The following MCM9 variants were observed in gnomAD, a reference collection of about 807,000 sequenced individuals.
MCM9 encodes the protein minichromosome maintenance 9 homologous recombination repair factor.
Under a neutral mutation model 72.8 loss-of-function variants are expected in MCM9, and 55 were observed. The ratio of observed to expected loss-of-function variants is 0.76; its 90% confidence interval spans 0.61 to 0.95. The LOEUF is 0.95. Ranked by LOEUF, MCM9 falls within the 40% of genes least tolerant of loss-of-function variation. MCM9 has a pLI of 0.00. For synonymous variants in MCM9, 480 were observed against 503.4 expected (o/e 0.95, Z 0.62); for missense variants, 1,279 against 1,377.0 (o/e 0.93, Z 1.13).
chr6:118,911,563 C>T, intron 8 of MCM9, 87 bp downstream of exon 8: 7 of 1,439,678 alleles, frequency 4.9e-6, no homozygotes, highest in Non-Finnish European at 3.7e-6. Flanking sequence ...GAAATTTATC[C>T]TATTATAGGT....
At chr6:118,926,935 CA>C (rs1348664213) in intron 3 of MCM9, among the ~76,000 whole-genome samples, 1 of 151,946 alleles carries the variant, frequency 6.6e-6, no homozygotes, top group Non-Finnish European at 1.5e-5. Flanking sequence ...ATAATTAACC[CA>C]ATTTGCTTCT....
intron 9 of MCM9, among the ~76,000 whole-genome samples, chr6:118,853,463 T>C (rs966086106): frequency 4.6e-5 from 7 of 152,066 alleles, no homozygotes; most frequent in African/African-American, 1.7e-4. Context: ...TTTTTGTTAA[T>C]TTCAATAGGT....
chr6:118,920,026 A>T (rs2114341736), intron 5 of MCM9: 1 of 152,344 alleles, frequency 6.6e-6, no homozygotes, highest in South Asian at 2.1e-4. Flanking sequence ...CTTCATTATT[A>T]ATGACATTTG....
chr6:118,829,050 T>C lies in MCM9; in HGVS notation c.1526A>G (p.Lys509Arg). 1.3e-6 allele frequency: 2 copies of C among 1,550,560 alleles called. No homozygotes were observed. The highest frequency in any genetic ancestry group is 1.7e-6 in the Non-Finnish European group (2 of 1,146,906). Residue 509 changes from lysine to arginine, a missense_variant and splice_region_variant, in exon 10 of 14, where the codon AAA (lysine) becomes AGA (arginine). By Grantham distance (26) the Lys-to-Arg change is conservative. Transcript: ENST00000619706. ...RIISSFILEN[K>R]GYPSKSEKLW... ...ATGCTTTGTTTGTCTTCACGTACCT[T>C]TATTTTCTAAGATAAAGGAGGAAAT...
At chr6:118,903,643 G>A (rs190106893) in intron 8 of MCM9, among the ~76,000 whole-genome samples, 14 of 152,306 alleles carry the variant, frequency 9.2e-5, no homozygotes, top group Admixed American at 7.8e-4. Flanking sequence ...GAATACACTC[G>A]ATGTAAGCTC....
chr6:118,885,250 AAAG>A (rs1392506400), intron 8 of MCM9, among the ~76,000 whole-genome samples: 3 of 152,088 alleles, frequency 2.0e-5, no homozygotes, highest in East Asian at 3.8e-4. Context: ...ATAAAATAAA[AAAG>A]AAGATCTCAA....
intron 9 of MCM9, among the ~76,000 whole-genome samples, chr6:118,843,672 A>ATATATATACG (rs1321655061): frequency 2.4e-3 from 97 of 40,650 alleles, no homozygotes; most frequent in Non-Finnish European, 3.7e-3. Flanking sequence ...ATATATATGT[A>ATATATATACG]TGTATATATA....
rs147459323 is a variant in MCM9 at position 118,817,504 on chromosome 6, T to A, written c.1962-1210A>T. On this transcript the variant is annotated intron_variant, in intron 13 of 13. Coordinates refer to ENST00000619706, the MANE Select transcript of MCM9 (RefSeq NM_017696.3). Reference sequence around the variant, plus strand: ...TATGTCTGCATAGTACTCCATGGTGTATATGTGCCACATTTTCTTTATCCA... The same window carrying A: ...TATGTCTGCATAGTACTCCATGGTGAATATGTGCCACATTTTCTTTATCCA... 9.4e-3 allele frequency among the ~76,000 whole-genome samples: 1,434 copies of A among 152,286 alleles called. 28 individuals are homozygous for A. The highest frequency in any genetic ancestry group is 0.051 in the Middle Eastern group (15 of 294).
chr6:118,874,308 G>A (rs1480188038), intron 8 of MCM9, among the ~76,000 whole-genome samples: 1 of 152,004 alleles, frequency 6.6e-6, no homozygotes, highest in East Asian at 1.9e-4. Context: ...TTGATAAAAC[G>A]GCCTAACAAA....
At chr6:118,877,757 C>G (rs549218334) in intron 8 of MCM9, among the ~76,000 whole-genome samples, 4 of 152,278 alleles carry the variant, frequency 2.6e-5, no homozygotes, top group African/African-American at 9.6e-5. Context: ...GAGGGCTCAT[C>G]ATAAAATTCT....
intron 3 of MCM9, among the ~76,000 whole-genome samples, chr6:118,930,593 G>C (rs1782339093): frequency 6.6e-6 from 1 of 152,064 alleles, no homozygotes; most frequent in South Asian, 2.1e-4. Flanking sequence ...GTTTTAATTA[G>C]GGGGTTGACA....
In MCM9 at chr6:118,923,859, C is replaced by T. The variant is rs12197931; in HGVS notation, c.573G>A (p.Ser191=). ...SKFTCLSGLS[S]SPTRCRDYQE... Reference sequence around the variant, plus strand: ...GGTAATCTCTACACCTGGTTGGAGACGAAGACAAGCCTGAGAGGCAAGTGA... The same window carrying T: ...GGTAATCTCTACACCTGGTTGGAGATGAAGACAAGCCTGAGAGGCAAGTGA... The change falls in exon 4 of 14, where the codon TCG becomes TCA. Residue 191 remains serine, a synonymous_variant. Transcript: ENST00000619706. 78,477 of 1,613,914 alleles carry T rather than the reference C, an allele frequency of 0.049. 2,806 individuals are homozygous for T. The highest frequency in any genetic ancestry group is 0.19 in the East Asian group (8,564 of 44,866).
chr6:118,932,950 A>G (rs1046689272), intron 1 of MCM9, among the ~76,000 whole-genome samples: 4 of 152,232 alleles, frequency 2.6e-5, no homozygotes, highest in Non-Finnish European at 2.9e-5. Flanking sequence ...AACAAATTAC[A>G]TATGTATAAA....
intron 8 of MCM9, among the ~76,000 whole-genome samples, chr6:118,867,532 C>T (rs977105821): frequency 3.3e-5 from 5 of 152,100 alleles, no homozygotes; most frequent in African/African-American, 9.7e-5. Flanking sequence ...CAATTTTATA[C>T]GGCAATTTTA....
intron 8 of MCM9, among the ~76,000 whole-genome samples, chr6:118,901,610 A>G (rs1399213419): frequency 6.6e-6 from 1 of 152,160 alleles, no homozygotes; most frequent in Non-Finnish European, 1.5e-5. Context: ...CAAAAGTGTT[A>G]TTTCTTTTAA....
intron 8 of MCM9, among the ~76,000 whole-genome samples, chr6:118,904,414 T>C (rs1035845613): frequency 1.3e-5 from 2 of 152,218 alleles, no homozygotes; most frequent in Non-Finnish European, 1.5e-5. Context: ...CCCAGGAATA[T>C]TCCTTGGTGC....
At chr6:118,875,090 G>A (rs143943546) in intron 8 of MCM9, among the ~76,000 whole-genome samples, 1,581 of 152,252 alleles carry the variant, frequency 0.01, 30 homozygotes, top group African/African-American at 0.036. Flanking sequence ...TCCAGCCTGG[G>A]TGACAAGAGT....
intron 8 of MCM9, chr6:118,905,859 T>TAAATGAAAGTACCTC: frequency 1.3e-6 from 2 of 1,487,260 alleles, no homozygotes; most frequent in Non-Finnish European, 1.8e-6. Context: ...TTTTAACTAC[T>TAAATGAAAGTACCTC]TTTACTATGC....
intron 9 of MCM9, among the ~76,000 whole-genome samples, chr6:118,851,596 T>C (rs1301564842): frequency 6.6e-6 from 1 of 151,850 alleles, no homozygotes; most frequent in East Asian, 1.9e-4. Flanking sequence ...GTAATTCCTT[T>C]AATGCATTAA....
Sources: allele counts gnomAD v4.1 joint callset (sites outside exome capture counted in the v4.1 genomes callset), GRCh38; gene constraint gnomAD v4.1.1; transcripts MANE v1.5; gene names NCBI Gene and HGNC (gene_info 2026-07-23, HGNC 2026-07-21).